The following STAC variants were observed in gnomAD, a reference collection of about 807,000 sequenced individuals.
STAC encodes the protein SH3 and cysteine-rich domain-containing protein.
A neutral mutation model predicts 48.8 loss-of-function variants in STAC; 43 were observed. The ratio of observed to expected loss-of-function variants is 0.88; its 90% CI spans 0.69 to 1.14. The LOEUF (loss-of-function observed/expected upper bound fraction) is 1.14. STAC is among the 50% of genes most tolerant of loss of function. The pLI is 0.00. For synonymous variants in STAC, 193 were observed against 179.5 expected, an observed-to-expected ratio of 1.07 and a Z score of -0.60; for missense variants, 497 against 504.0, an observed-to-expected ratio of 0.99 and a Z score of 0.13.
chr3:36,443,444 C>T lies in STAC; in HGVS notation c.192C>T (p.Thr64=). The change falls in exon 2 of 11, where the codon ACC becomes ACT. Residue 64 remains threonine (T), a synonymous_variant. Transcript: ENST00000273183. This position sits in a 1 kb window ranked among gnomAD's most constrained non-coding sequence, Gnocchi z 4.2. ...GTGCTGACAACTTCTTCCAGCGAACCAACAGCGAAGACATGAAACTGCAAG... is the reference window on the plus strand; with the variant it reads ...GTGCTGACAACTTCTTCCAGCGAACTAACAGCGAAGACATGAAACTGCAAG... ...SKSADNFFQR[T]NSEDMKLQAH... is the part of the protein sequence containing the mutation. The T allele has an allele frequency of 1.9e-6, 3 of 1,614,216 alleles. No homozygotes were observed. Among genetic ancestry groups the T allele is most frequent in the Non-Finnish European group, 1.7e-6 (2 of 1,180,050 alleles).
At chr3:36,533,229 G>C (rs1248007571) in intron 10 of STAC, among the ~76,000 whole-genome samples, 2 of 152,084 alleles carry the variant, frequency 1.3e-5, no homozygotes, top group Non-Finnish European at 2.9e-5. Context: ...TCCCTATTGG[G>C]TCATTCTTGA....
intron 1 of STAC, among the ~76,000 whole-genome samples, chr3:36,404,619 A>G (rs1167780985): frequency 6.6e-6 from 1 of 152,176 alleles, no homozygotes; most frequent in Admixed American, 6.5e-5. Context: ...ATTAAGTACA[A>G]TATACTATAT....
intron 2 of STAC, among the ~76,000 whole-genome samples, chr3:36,449,366 A>T (rs1338918639): frequency 2.0e-5 from 3 of 152,188 alleles, no homozygotes; most frequent in Non-Finnish European, 2.9e-5. Context: ...TTTGGCTGCT[A>T]TTGAACACAA....
intron 6 of STAC, among the ~76,000 whole-genome samples, chr3:36,503,639 G>A (rs562263630): frequency 6.6e-6 from 1 of 152,088 alleles, no homozygotes; most frequent in South Asian, 2.1e-4. Context: ...CACCAAGTTG[G>A]CCAAGCTGGT....
chr3:36,454,086 T>A (rs971414040), intron 2 of STAC, among the ~76,000 whole-genome samples: 2 of 152,138 alleles, frequency 1.3e-5, no homozygotes, highest in Admixed American at 6.5e-5. Context: ...CAGCAGGATG[T>A]GGGTGGGGCC....
chr3:36,450,057 C>T (rs1473841771), intron 2 of STAC, among the ~76,000 whole-genome samples: 1 of 152,198 alleles, frequency 6.6e-6, no homozygotes, highest in Non-Finnish European at 1.5e-5. Context: ...CAAGACCCAA[C>T]TAAAATGCTT....
chr3:36,487,591 C>T (rs571547038), intron 5 of STAC, among the ~76,000 whole-genome samples: 2 of 152,252 alleles, frequency 1.3e-5, no homozygotes, highest in South Asian at 2.1e-4. Flanking sequence ...GAATTCACAA[C>T]TTATTTCTGA....
At chr3:36,464,102 G>C (rs1252794214) in intron 2 of STAC, among the ~76,000 whole-genome samples, 11 of 152,214 alleles carry the variant, frequency 7.2e-5, no homozygotes, top group East Asian at 3.9e-4. Flanking sequence ...ACACTGACTT[G>C]CACAATGGTT....
At chr3:36,444,105 G>T (rs1279300510) in intron 2 of STAC, among the ~76,000 whole-genome samples, 2 of 152,176 alleles carry the variant, frequency 1.3e-5, no homozygotes, top group Non-Finnish European at 2.9e-5. Context: ...CTTTGCCAAG[G>T]CTCAGTTAAG....
intron 3 of STAC, among the ~76,000 whole-genome samples, chr3:36,483,370 C>T (rs1264076905): frequency 6.6e-6 from 1 of 152,194 alleles, no homozygotes; most frequent in East Asian, 1.9e-4. Context: ...TACTGAAAGT[C>T]CCACATCCTG....
chr3:36,510,967 TTA>T (rs763356346), intron 8 of STAC, among the ~76,000 whole-genome samples: 72 of 149,980 alleles, frequency 4.8e-4, no homozygotes, highest in Non-Finnish European at 8.4e-4. Flanking sequence ...TAAAATATAT[TTA>T]TATATATATA....
chr3:36,546,502 C>T lies in STAC; in HGVS notation c.*213C>T. On this transcript the variant is annotated 3_prime_UTR_variant, in exon 11 of 11. Coordinates refer to ENST00000273183, the MANE Select transcript of STAC (RefSeq NM_003149.3). ...CAGGCTGCCACAGGTGGGGACGAGGCTGAGAGAGTCAGCAGGCAGAGCCAG... is the reference window on the plus strand; with the variant it reads ...CAGGCTGCCACAGGTGGGGACGAGGTTGAGAGAGTCAGCAGGCAGAGCCAG... 2 of 569,714 alleles carry T rather than the reference C, an allele frequency of 3.5e-6. No individual in the cohort carries two copies. Among genetic ancestry groups the T allele is most frequent in the Non-Finnish European group, 6.2e-6 (2 of 320,154 alleles). 35.3% of individuals were successfully genotyped at this position (569,714 alleles called of 1,614,324 possible).
intron 2 of STAC, among the ~76,000 whole-genome samples, chr3:36,454,260 G>A (rs1027638840): frequency 1.3e-5 from 2 of 152,032 alleles, no homozygotes; most frequent in Non-Finnish European, 2.9e-5. Flanking sequence ...TCACTGCAAA[G>A]GTCTGCAGCT....
chr3:36,490,161 G>T (rs1649100984), intron 5 of STAC, among the ~76,000 whole-genome samples: 1 of 152,140 alleles, frequency 6.6e-6, no homozygotes, highest in South Asian at 2.1e-4. Flanking sequence ...AACAGCATTT[G>T]AGTGACACAT....
At chr3:36,385,020 T>G (rs564859483) in intron 1 of STAC, among the ~76,000 whole-genome samples, 1 of 152,276 alleles carries the variant, frequency 6.6e-6, no homozygotes, top group Admixed American at 6.5e-5. Flanking sequence ...AAACCTTGGC[T>G]TTGCATTGAA....
chr3:36,525,314 C>T (rs1002768597), intron 8 of STAC, among the ~76,000 whole-genome samples: 3 of 152,162 alleles, frequency 2.0e-5, no homozygotes, highest in Non-Finnish European at 4.4e-5. Flanking sequence ...AAGGACAGAA[C>T]CCTCATCACA....
rs1260184281 is a variant in STAC, at chr3:36,405,784, G to C, written c.111+25030G>C. ...CATCCAGGTTGGAGTGCAGTAACATGATTATAGCGCACTGCAGCCTCCAAA... is the reference window on the plus strand; with the variant it reads ...CATCCAGGTTGGAGTGCAGTAACATCATTATAGCGCACTGCAGCCTCCAAA... On this transcript the variant is annotated intron_variant, in intron 1 of 10. Transcript: ENST00000273183. Among the ~76,000 whole-genome samples, 3 of 152,284 alleles carry C rather than the reference G, an allele frequency of 2.0e-5. No individual in the cohort carries two copies. In the East Asian group the frequency reaches 5.8e-4, roughly 29 times the overall value.
intron 1 of STAC, among the ~76,000 whole-genome samples, chr3:36,383,040 A>G (rs1216239248): frequency 6.6e-6 from 1 of 152,238 alleles, no homozygotes; most frequent in Admixed American, 6.5e-5. Flanking sequence ...TAAGAGTAAC[A>G]AATACTCTTT....
intron 1 of STAC, among the ~76,000 whole-genome samples, chr3:36,440,763 C>G (rs745901482): frequency 9.2e-5 from 14 of 152,126 alleles, no homozygotes; most frequent in Non-Finnish European, 1.8e-4. Flanking sequence ...CACTAATGAC[C>G]ACCATATCTT....
Sources: gnomAD v4.1 joint callset for allele counts (sites outside exome capture counted in the v4.1 genomes callset) on GRCh38, gnomAD v4.1.1 for gene constraint, Gnocchi (gnomAD v3.1) non-coding constraint, MANE v1.5 for transcripts, NCBI Gene and HGNC (gene_info 2026-07-23, HGNC 2026-07-21) for gene names.